MRC1: variants seen among roughly 807,000 people sequenced by gnomAD.
MRC1 encodes mannose receptor C-type 1, also known as macrophage mannose receptor 1.
In MRC1, 62 loss-of-function variants were observed where a neutral mutation model predicts 102.9. That is an observed-to-expected ratio of 0.60 (90% CI 0.49 to 0.74). The LOEUF is 0.74. Ranked by LOEUF, MRC1 falls within the 30% of genes least tolerant of loss-of-function variation. MRC1 has a pLI of 0.00. For synonymous variants in MRC1, 457 were observed against 298.4 expected (o/e 1.53, Z -5.48); for missense variants, 1,237 against 862.8 (o/e 1.43, Z -5.43).
In MRC1 at chr10:17,901,646, G is replaced by A. The variant is rs1323249288; in HGVS notation, c.3650-327G>A. Among the ~76,000 whole-genome samples, 9 of 151,814 alleles carry A rather than the reference G, an allele frequency of 5.9e-5. 1 individual carries two copies. The South Asian group carries it at 8.3e-4, about 14-fold the overall frequency. On this transcript the variant is annotated intron_variant, in intron 25 of 29. Coordinates refer to ENST00000569591, the MANE Select transcript of MRC1 (RefSeq NM_002438.4). The stretch of plus-strand genomic sequence containing the variant: ...AGAGGTTGCGGTGAGACAAGATCGC[G>A]CCATTGTACTCCAGCCTGGGGGACA...
chr10:17,819,949 AC>A (rs1420797770), intron 1 of MRC1, among the ~76,000 whole-genome samples: 41 of 152,306 alleles, frequency 2.7e-4, no homozygotes, highest in African/African-American at 9.4e-4. Flanking sequence ...TGTCTCAAAA[AC>A]AAACGAACAA....
chr10:17,841,356 C>A (rs1838746490), intron 5 of MRC1, among the ~76,000 whole-genome samples: 2 of 152,202 alleles, frequency 1.3e-5, no homozygotes, highest in Admixed American at 1.3e-4. Flanking sequence ...TTAACACCCA[C>A]TTTTCCTGTT....
At chr10:17,897,005 G>A (rs1434424283) in intron 23 of MRC1, among the ~76,000 whole-genome samples, 1 of 152,186 alleles carries the variant, frequency 6.6e-6, no homozygotes, top group Non-Finnish European at 1.5e-5. Context: ...ACTCTGCTGT[G>A]GTCACAGATG....
intron 4 of MRC1, among the ~76,000 whole-genome samples, chr10:17,839,242 G>C (rs1554839684): frequency 0.5 from 75,932 of 151,960 alleles, 19,152 homozygotes; most frequent in African/African-American, 0.57. Flanking sequence ...CATTTCTCAT[G>C]ATGCCAAACA....
At chr10:17,858,402 C>T (rs1030315842) in intron 9 of MRC1, among the ~76,000 whole-genome samples, 9 of 152,050 alleles carry the variant, frequency 5.9e-5, no homozygotes, top group South Asian at 2.1e-4. Context: ...GGGTGAATGC[C>T]GAGTACCTAG....
intron 1 of MRC1, among the ~76,000 whole-genome samples, chr10:17,821,797 T>G (rs1838400364): frequency 1.3e-5 from 2 of 152,190 alleles, no homozygotes. Flanking sequence ...CTAACTTTGT[T>G]TGATTTCGCT....
At chr10:17,880,119 C>G (rs1357163972) in intron 19 of MRC1, among the ~76,000 whole-genome samples, 1 of 152,134 alleles carries the variant, frequency 6.6e-6, no homozygotes, top group Non-Finnish European at 1.5e-5. Context: ...CTTTATTTCT[C>G]TCTGGCTCCT....
At chr10:17,832,338 C>T (rs1161709605) in intron 3 of MRC1, among the ~76,000 whole-genome samples, 2 of 151,056 alleles carry the variant, frequency 1.3e-5, no homozygotes, top group Non-Finnish European at 2.9e-5. Context: ...GGGTGGATCA[C>T]AAGGTCAGGA....
At chr10:17,862,630 C>T (rs1833201061) in intron 10 of MRC1, among the ~76,000 whole-genome samples, 2 of 152,154 alleles carry the variant, frequency 1.3e-5, no homozygotes, top group African/African-American at 2.4e-5. Context: ...ACATTTAAGG[C>T]AACTAAATCG....
intron 2 of MRC1, among the ~76,000 whole-genome samples, chr10:17,823,969 T>G (rs938609975): frequency 6.6e-6 from 1 of 152,190 alleles, no homozygotes; most frequent in Non-Finnish European, 1.5e-5. Flanking sequence ...TGTTACTGAT[T>G]TATTTTGTCA....
In MRC1 at chr10:17,894,200, A is replaced by G. The variant is rs1833719838; in HGVS notation, c.3148-10A>G. On this transcript the variant is annotated splice_polypyrimidine_tract_variant and intron_variant, in intron 22 of 29. Transcript: ENST00000569591. ...GATTGTTTTCTTTTTCTTTCTCCAT[A>G]AATATACAGGCTGACTGTGTTGTTA... The G allele has an allele frequency of 3.4e-6, 3 of 872,112 alleles. No individual in the cohort carries two copies. Among genetic ancestry groups the G allele is most frequent in the Admixed American group, 3.4e-5 (2 of 59,108 alleles). The allele number at this position is 872,112 out of a possible 1,614,324, so 54.0% of individuals were successfully genotyped here.
chr10:17,897,150 C>A (rs1209418507), intron 23 of MRC1, among the ~76,000 whole-genome samples: 1 of 152,154 alleles, frequency 6.6e-6, no homozygotes, highest in Non-Finnish European at 1.5e-5. Flanking sequence ...CTATCCCCAA[C>A]CATTTAAAAA....
intron 8 of MRC1, among the ~76,000 whole-genome samples, chr10:17,854,365 T>G (rs1833046047): frequency 6.6e-6 from 1 of 152,256 alleles, no homozygotes; most frequent in African/African-American, 2.4e-5. Context: ...GCTGTTATTT[T>G]TGTCATTGTG....
chr10:17,816,581 C>T (rs888444945), intron 1 of MRC1, among the ~76,000 whole-genome samples: 14 of 152,150 alleles, frequency 9.2e-5, no homozygotes, highest in Non-Finnish European at 1.6e-4. Flanking sequence ...CATGTTTGAG[C>T]CTAGAGGGCT....
chr10:17,889,011 C>G (rs1564624388), intron 22 of MRC1, among the ~76,000 whole-genome samples: 2 of 152,160 alleles, frequency 1.3e-5, no homozygotes, highest in East Asian at 1.9e-4. Flanking sequence ...TAGATCATTA[C>G]GTAATGTTCC....
chr10:17,869,112 A>T (rs1291625185), intron 12 of MRC1, among the ~76,000 whole-genome samples: 4 of 152,160 alleles, frequency 2.6e-5, no homozygotes, highest in African/African-American at 9.7e-5. Context: ...GATGTTCAAC[A>T]AATCAAAATA....
intron 1 of MRC1, among the ~76,000 whole-genome samples, chr10:17,811,904 T>A (rs1838229088): frequency 2.0e-5 from 3 of 152,110 alleles, no homozygotes; most frequent in Admixed American, 2.0e-4. Flanking sequence ...TTATTTTATC[T>A]TTTCTTGGCC....
intron 11 of MRC1, among the ~76,000 whole-genome samples, 166 bp from the exon 12 acceptor site, chr10:17,866,396 G>A (rs1833267649): frequency 6.6e-6 from 1 of 150,382 alleles, no homozygotes; most frequent in Non-Finnish European, 1.5e-5. Context: ...TGTGTAGGGG[G>A]CACTTTGCCA....
intron 7 of MRC1, among the ~76,000 whole-genome samples, chr10:17,852,662 C>T (rs1379372837): frequency 1.3e-5 from 2 of 152,128 alleles, no homozygotes; most frequent in Non-Finnish European, 2.9e-5. Flanking sequence ...ATAGACCTAC[C>T]TCAATTTTGT....
Sources: gnomAD v4.1 joint callset for allele counts (sites outside exome capture counted in the v4.1 genomes callset) on GRCh38, gnomAD v4.1.1 for gene constraint, MANE v1.5 for transcripts, NCBI Gene and HGNC (gene_info 2026-07-23, HGNC 2026-07-21) for gene names.